The following KLHDC4 variants were observed in gnomAD, a reference collection of about 807,000 sequenced individuals.
KLHDC4 encodes kelch domain-containing protein 4.
Under a neutral mutation model 62.4 loss-of-function variants are expected in KLHDC4, and 90 were observed. The observed-to-expected ratio is 1.44, with a 90% CI of 1.22 to 1.72. KLHDC4 has a LOEUF of 1.72. KLHDC4 is among the 40% of genes most tolerant of loss of function. KLHDC4 has a pLI of 0.00. For synonymous variants in KLHDC4, 386 were observed against 284.4 expected, an observed-to-expected ratio of 1.36 and a Z score of -3.59; for missense variants, 1,025 against 699.7, an observed-to-expected ratio of 1.47 and a Z score of -5.25.
chr16:87,702,309 C>T (rs1432103381), exon 1 of KLHDC4: 1 of 456,158 alleles, frequency 2.2e-6, no homozygotes, highest in South Asian at 1.5e-5. Context: ...CTGCCGGGGG[C>T]TCCCAGGCCC....
At chr16:87,751,098 T>A (rs540576899) in intron 4 of KLHDC4, among the ~76,000 whole-genome samples, 1 of 152,298 alleles carries the variant, frequency 6.6e-6, no homozygotes, top group East Asian at 1.9e-4. Context: ...CACAGAATAA[T>A]CCTACAATAA....
In KLHDC4 at chr16:87,762,021, A is replaced by C; in HGVS notation, c.119T>G (p.Ile40Arg). 1 of 1,613,998 alleles carries C rather than the reference A, an allele frequency of 6.2e-7. No individual in the cohort carries two copies. Among genetic ancestry groups the C allele is most frequent in the South Asian group, 1.1e-5 (1 of 91,054 alleles). Residue 40 changes from isoleucine (I) to arginine (R), a missense_variant, in exon 2 of 12, where the codon ATA (isoleucine) becomes AGA (arginine). Ile to Arg is a moderately conservative substitution (Grantham distance 97). Transcript: ENST00000270583. ...RKEEEDLEAL[I>R]AHFQTLDAKR... ...GGCATCGAGTGTCTGGAAATGGGCT[A>C]TGAGCGCTTCCAGGTCTTCCTAGGG...
rs560853171 is a variant in KLHDC4, at chr16:87,756,067, C to T, written c.270+332G>A. On this transcript the variant is annotated intron_variant, in intron 3 of 11. Coordinates refer to ENST00000270583, the MANE Select transcript of KLHDC4 (RefSeq NM_017566.4). ...TCAGCACTTTCCGTGTTTAAGACAA[C>T]CTGAAAGCTGAGTGTGAAACCTGGA... is the stretch of plus-strand genomic sequence containing the variant. The T allele has an allele frequency of 3.4e-5, 7 of 206,296 alleles. No homozygotes were observed. The South Asian group carries it at 6.9e-4, about 20-fold the overall frequency. 12.8% of individuals were successfully genotyped at this position (206,296 alleles called of 1,614,324 possible).
At chr16:87,749,787 G>A (rs182913762) in intron 4 of KLHDC4, among the ~76,000 whole-genome samples, 7 of 152,062 alleles carry the variant, frequency 4.6e-5, no homozygotes, top group Non-Finnish European at 1.5e-5. Flanking sequence ...CGCTGTCCAG[G>A]CTGGTCTCAA....
chr16:87,748,300 C>G (rs549245681), intron 5 of KLHDC4, among the ~76,000 whole-genome samples: 1 of 152,208 alleles, frequency 6.6e-6, no homozygotes, highest in Admixed American at 6.5e-5. Flanking sequence ...AAGAACGTGC[C>G]TTTTAGTCAA....
Position 87,749,804 on chromosome 16 carries a change from G to C in KLHDC4, c.370-995C>G, listed in dbSNP as rs566528088. ...CTGTCCAGGCTGGTCTCAAACTCCT[G>C]GCTTTAGTCAATTCTCCCGCCTCGG... On this transcript the variant is annotated intron_variant, in intron 4 of 11. Coordinates refer to ENST00000270583, the MANE Select transcript of KLHDC4 (RefSeq NM_017566.4). Among the ~76,000 whole-genome samples, 5 of 152,218 alleles carry C rather than the reference G, an allele frequency of 3.3e-5. No individual in the cohort carries two copies. The South Asian group carries it at 8.3e-4, about 25-fold the overall frequency.
intron 8 of KLHDC4, among the ~76,000 whole-genome samples, chr16:87,713,123 C>T (rs142075369): frequency 6.6e-6 from 1 of 152,366 alleles, no homozygotes; most frequent in African/African-American, 2.4e-5. Flanking sequence ...CCTCCACCTC[C>T]TGGGCTAGAA....
At chr16:87,762,702 G>A (rs969896376) in intron 1 of KLHDC4, among the ~76,000 whole-genome samples, 6 of 152,218 alleles carry the variant, frequency 3.9e-5, no homozygotes, top group South Asian at 4.2e-4. Flanking sequence ...TACTACCATC[G>A]AGAGTGACTC....
chr16:87,719,250 A>G (rs2037753424), intron 7 of KLHDC4, among the ~76,000 whole-genome samples: 1 of 152,266 alleles, frequency 6.6e-6, no homozygotes, highest in Non-Finnish European at 1.5e-5. Context: ...GGGGAAAAGA[A>G]AGAGAGATCA....
chr16:87,716,308 G>C (rs1353288362), intron 7 of KLHDC4, among the ~76,000 whole-genome samples: 1 of 151,708 alleles, frequency 6.6e-6, no homozygotes, highest in African/African-American at 2.4e-5. Flanking sequence ...CGTAGACTTT[G>C]GGTACACGCT....
intron 8 of KLHDC4, among the ~76,000 whole-genome samples, chr16:87,712,472 A>G (rs2036089022): frequency 1.3e-5 from 2 of 152,240 alleles, no homozygotes; most frequent in Non-Finnish European, 2.9e-5. Flanking sequence ...AGAAACCCAC[A>G]CACACAAGGT....
downstream of KLHDC4, among the ~76,000 whole-genome samples, chr16:87,705,647 T>C (rs1229679687): frequency 3.9e-5 from 6 of 152,384 alleles, no homozygotes; most frequent in Non-Finnish European, 7.3e-5. Flanking sequence ...AAAGAAAAAC[T>C]GTCTCTCATA....
At chr16:87,747,832 GC>G (rs2043263394) in intron 5 of KLHDC4, 1 of 152,258 alleles carries the variant, frequency 6.6e-6, no homozygotes, top group African/African-American at 2.4e-5. Context: ...CCAAGCCCGG[GC>G]TCCAGGGAGC....
At chr16:87,718,216 G>C (rs1054056629) in intron 7 of KLHDC4, among the ~76,000 whole-genome samples, 1 of 152,044 alleles carries the variant, frequency 6.6e-6, no homozygotes, top group Non-Finnish European at 1.5e-5. Flanking sequence ...CTGTGCTCAA[G>C]CTCTATTAGC....
chr16:87,701,741 C>T, exon 1 of KLHDC4: 1 of 456,786 alleles, frequency 2.2e-6, no homozygotes, highest in Non-Finnish European at 4.4e-6. Context: ...CAGGCCTATG[C>T]CGCCCGCCCG....
At chr16:87,727,155 A>T (rs2039510960) in intron 6 of KLHDC4, among the ~76,000 whole-genome samples, 1 of 143,808 alleles carries the variant, frequency 7.0e-6, no homozygotes, top group African/African-American at 2.7e-5. Flanking sequence ...ATCTTGACGC[A>T]ATCTACCTGG....
chr16:87,765,891 C>T lies in KLHDC4; in HGVS notation c.-1G>A, dbSNP rs1350003775. On this transcript the variant is annotated 5_prime_UTR_variant, in exon 1 of 12. Transcript: ENST00000270583. Reference sequence around the variant, plus strand: ...TCTCCTTCTTGCCCTTCTTGCCCATCTTGCCGGGTCCCAAGCCGCGACGGG... The same window carrying T: ...TCTCCTTCTTGCCCTTCTTGCCCATTTTGCCGGGTCCCAAGCCGCGACGGG... 5.8e-6 allele frequency: 9 copies of T among 1,551,294 alleles called. 1 individual carries two copies. In the South Asian group the frequency reaches 9.5e-5, roughly 16 times the overall value.
At chr16:87,748,152 C>A (rs1012578521) in intron 5 of KLHDC4, among the ~76,000 whole-genome samples, 9 of 152,216 alleles carry the variant, frequency 5.9e-5, no homozygotes, top group Admixed American at 5.2e-4. Context: ...GCGTGGTAAA[C>A]ATGCATCAGA....
At chr16:87,755,129 C>T in intron 4 of KLHDC4, 65 bp downstream of exon 4, 2 of 1,110,120 alleles carry the variant, frequency 1.8e-6, no homozygotes, top group Non-Finnish European at 2.7e-6. Flanking sequence ...TATCAACTCT[C>T]CGTGTGTCTA....
Sources: gnomAD v4.1 joint callset for allele counts (sites outside exome capture counted in the v4.1 genomes callset) on GRCh38, gnomAD v4.1.1 for gene constraint, MANE v1.5 for transcripts, NCBI Gene and HGNC (gene_info 2026-07-23, HGNC 2026-07-21) for gene names.